Variants in DNAH12 observed in about 807,000 individuals in gnomAD.
The protein encoded by DNAH12 is axonemal beta dynein heavy chain 12.
In DNAH12, 285 loss-of-function variants were observed where a neutral mutation model predicts 371.5. That is an observed-to-expected ratio of 0.77 (90% CI 0.70 to 0.85). DNAH12 has a LOEUF of 0.85. Ranked by LOEUF, DNAH12 falls within the 40% of genes least tolerant of loss-of-function variation. The pLI is 0.00. For synonymous variants in DNAH12, 1,200 were observed against 1,213.0 expected (o/e 0.99, Z 0.22); for missense variants, 3,611 against 3,689.4 (o/e 0.98, Z 0.55).
At chr3:57,317,675 A>AT (rs11426838) in intron 65 of DNAH12, among the ~76,000 whole-genome samples, 48,893 of 151,816 alleles carry the variant, frequency 0.32, 8,730 homozygotes, top group African/African-American at 0.46. Context: ...CCTGATTTCA[A>AT]TTTTTTTGGA....
intron 13 of DNAH12, among the ~76,000 whole-genome samples, chr3:57,479,549 C>T (rs192275082): frequency 7.9e-5 from 12 of 152,124 alleles, no homozygotes; most frequent in Middle Eastern, 3.2e-3. Flanking sequence ...AGAAATTGAA[C>T]TCAACTCTGC....
intron 37 of DNAH12, among the ~76,000 whole-genome samples, chr3:57,417,768 T>C (rs955213441): frequency 1.3e-5 from 2 of 152,168 alleles, no homozygotes; most frequent in Non-Finnish European, 2.9e-5. Context: ...ACAGATCTTG[T>C]TATTTAATGT....
chr3:57,446,733 T>C (rs1032551578), intron 25 of DNAH12, 44 bp from the exon 26 acceptor site: 3 of 1,408,698 alleles, frequency 2.1e-6, no homozygotes, highest in Admixed American at 5.8e-5. Context: ...TGCTTAAATT[T>C]AAAAAAACAA....
chr3:57,420,781 C>T (rs2064548353), intron 36 of DNAH12, among the ~76,000 whole-genome samples: 5 of 151,894 alleles, frequency 3.3e-5, no homozygotes, highest in Non-Finnish European at 7.4e-5. Flanking sequence ...TGGTGGCGGG[C>T]ACCTGTAGTC....
At chr3:57,455,870 T>A (rs1398163874) in intron 22 of DNAH12, among the ~76,000 whole-genome samples, 1 of 152,178 alleles carries the variant, frequency 6.6e-6, no homozygotes, top group Non-Finnish European at 1.5e-5. Flanking sequence ...AGGGAGAGGT[T>A]TAATCTTTTT....
chr3:57,438,380 TTA>T (rs2065197158), intron 29 of DNAH12, among the ~76,000 whole-genome samples: 1 of 152,220 alleles, frequency 6.6e-6, no homozygotes, highest in South Asian at 2.1e-4. Flanking sequence ...TATAATTATT[TTA>T]TACACATTGT....
At chr3:57,507,880 C>T in intron 7 of DNAH12, 42 bp from the exon 8 acceptor site, 1 of 1,508,828 alleles carries the variant, frequency 6.6e-7, no homozygotes, top group South Asian at 1.3e-5. Flanking sequence ...GCAAATGATA[C>T]ATATTGGTCT....
At chr3:57,440,816 C>G (rs1034240109) in intron 29 of DNAH12, among the ~76,000 whole-genome samples, 16 of 152,108 alleles carry the variant, frequency 1.1e-4, no homozygotes, top group African/African-American at 3.9e-4. Context: ...AACAAGACCT[C>G]CTCTCTACTA....
At chr3:57,548,127 T>A (rs1005486922), upstream of DNAH12, among the ~76,000 whole-genome samples, 2 of 152,182 alleles carry the variant, frequency 1.3e-5, no homozygotes, top group African/African-American at 2.4e-5. Flanking sequence ...TATAACAAGT[T>A]TACATAGTAG....
chr3:57,448,333 A>AAG, intron 25 of DNAH12, among the ~76,000 whole-genome samples: 2 of 151,678 alleles, frequency 1.3e-5, no homozygotes, highest in South Asian at 4.2e-4. Flanking sequence ...CTCTTAAGGC[A>AAG]GCACGTCTGG....
At chr3:57,461,361 A>G (rs2066048420) in intron 19 of DNAH12, 128 bp downstream of exon 19, 4 of 722,590 alleles carry the variant, frequency 5.5e-6, no homozygotes, top group Non-Finnish European at 2.2e-6. Flanking sequence ...TATCAAAGTT[A>G]TAGGTCTATG....
At chr3:57,340,851 A>AT (rs2062376645) in intron 60 of DNAH12, among the ~76,000 whole-genome samples, 1 of 152,222 alleles carries the variant, frequency 6.6e-6, no homozygotes, top group African/African-American at 2.4e-5. Flanking sequence ...AAAACACAAC[A>AT]TAAAAAAACT....
chr3:57,298,204 G>T (rs2061273743), intron 70 of DNAH12, among the ~76,000 whole-genome samples: 1 of 152,186 alleles, frequency 6.6e-6, no homozygotes, highest in East Asian at 1.9e-4. Flanking sequence ...TGCAGGGTAG[G>T]CTGGTGACTC....
At chr3:57,388,604 T>A (rs2063543930) in intron 45 of DNAH12, among the ~76,000 whole-genome samples, 1 of 152,136 alleles carries the variant, frequency 6.6e-6, no homozygotes, top group Non-Finnish European at 1.5e-5. Flanking sequence ...ATTAGTGAAA[T>A]TTTATAAAAT....
In DNAH12 at chr3:57,408,475, C is replaced by T; in HGVS notation, c.6081G>A (p.Met2027Ile). ...TLVDIELIAA[M>I]GPPGGGRNPV... The stretch of plus-strand genomic sequence containing the variant: ...GATTTCTTCCACCACCTGGAGGGCC[C>T]ATTGCAGCAATCAGCTCTATGTCCA... The change falls in exon 40 of 74, where the codon ATG (methionine) becomes ATA (isoleucine). Residue 2027 changes from methionine to isoleucine, a missense_variant. Physicochemically the swap from Met to Ile is conservative, Grantham distance 10. Around this residue, in one of 3 missense-constraint regions of DNAH12, gnomAD observed 2,266 missense variants for 2,236.9 expected, o/e 1.01. Transcript: ENST00000495027. The T allele has an allele frequency of 1.2e-5, 19 of 1,551,398 alleles. No individual in the cohort carries two copies. The highest frequency in any genetic ancestry group is 1.7e-5 in the Non-Finnish European group (19 of 1,146,836).
intron 25 of DNAH12, among the ~76,000 whole-genome samples, chr3:57,447,826 A>T (rs2065569007): frequency 6.6e-6 from 1 of 152,002 alleles, no homozygotes; most frequent in Non-Finnish European, 1.5e-5. Context: ...GGTGTATGCC[A>T]CCACACTCAG....
intron 70 of DNAH12, among the ~76,000 whole-genome samples, chr3:57,298,043 C>G (rs1403888301): frequency 6.6e-6 from 1 of 152,222 alleles, no homozygotes; most frequent in East Asian, 1.9e-4. Context: ...GCATTCTAAT[C>G]TGGACTGGAC....
At chr3:57,399,165 A>G in intron 43 of DNAH12, among the ~76,000 whole-genome samples, 1 of 152,292 alleles carries the variant, frequency 6.6e-6, no homozygotes, top group South Asian at 2.1e-4. Flanking sequence ...AAGAAAACAT[A>G]GAATATAAAC....
chr3:57,479,310 A>G lies in DNAH12; in HGVS notation c.1650+4066T>C, dbSNP rs1380985881. ...AACAGACTTTAAACCAACAAAGATC[A>G]AAAGAGACAAAGAAGGCCATTACAT... is the stretch of plus-strand genomic sequence containing the variant. On this transcript the variant is annotated intron_variant, in intron 13 of 73. Transcript: ENST00000495027. Among the ~76,000 whole-genome samples the G allele has an allele frequency of 4.6e-5, 7 of 152,130 alleles. No individual in the cohort carries two copies. The East Asian group carries it at 1.3e-3, about 29-fold the overall frequency.
Sources: allele counts gnomAD v4.1 joint callset (sites outside exome capture counted in the v4.1 genomes callset), GRCh38; gene constraint gnomAD v4.1.1; regional missense constraint gnomAD v4.1.1; transcripts MANE v1.5; gene names NCBI Gene and HGNC (gene_info 2026-07-23, HGNC 2026-07-21).